The following TYW1 variants were observed in gnomAD, a reference collection of about 807,000 sequenced individuals.
TYW1 encodes tRNA-yW synthesizing protein 1 homolog, also known as S-adenosyl-L-methionine-dependent tRNA 4-demethylwyosine synthase TYW1.
A neutral mutation model predicts 96.2 loss-of-function variants in TYW1; 46 were observed. The ratio of observed to expected loss-of-function variants is 0.48; its 90% confidence interval spans 0.38 to 0.61. TYW1 has a LOEUF of 0.61. TYW1 is among the 20% of genes least tolerant of loss of function. The probability of loss-of-function intolerance (pLI) is 0.00; values close to 1 mark genes in which losing one functional copy is unlikely to be tolerated. For missense variants in TYW1, 684 were observed against 909.6 expected (o/e 0.75, Z 3.19); for synonymous variants, 274 against 323.0 (o/e 0.85, Z 1.63).
intron 12 of TYW1, among the ~76,000 whole-genome samples, chr7:67,101,836 A>G (rs1307123744): frequency 6.6e-6 from 1 of 152,188 alleles, no homozygotes; most frequent in African/African-American, 2.4e-5. Context: ...AGTTGATTAA[A>G]ATTATTAGCT....
At chr7:67,190,794 C>T (rs4717354) in intron 14 of TYW1, among the ~76,000 whole-genome samples, 44,045 of 152,052 alleles carry the variant, frequency 0.29, 7,072 homozygotes, top group African/African-American at 0.43. Flanking sequence ...AATGTCATAA[C>T]GTCATTATTT....
At chr7:67,064,438 C>G (rs1795797064) in intron 9 of TYW1, among the ~76,000 whole-genome samples, 1 of 152,138 alleles carries the variant, frequency 6.6e-6, no homozygotes, top group African/African-American at 2.4e-5. Flanking sequence ...AAAAGCTGTT[C>G]TGTATTAGTC....
At chr7:67,082,972 G>A (rs112761560) in intron 10 of TYW1, among the ~76,000 whole-genome samples, 9,769 of 150,776 alleles carry the variant, frequency 0.065, 434 homozygotes, top group South Asian at 0.11. Context: ...TGGGTCCCAG[G>A]TGGAGGTTCT....
intron 9 of TYW1, 72 bp downstream of exon 9, chr7:67,055,959 A>G: frequency 8.7e-7 from 1 of 1,144,306 alleles, no homozygotes; most frequent in Non-Finnish European, 1.3e-6. Flanking sequence ...TACACTGTCT[A>G]TAAATTTACT....
intron 12 of TYW1, among the ~76,000 whole-genome samples, chr7:67,100,673 C>G (rs996442017): frequency 2.0e-5 from 3 of 151,634 alleles, no homozygotes; most frequent in Admixed American, 2.0e-4. Context: ...GGTGAAACCC[C>G]GTCTCTACTA....
chr7:67,112,100 C>CAAAAAAAAAAAAAAAAAAAAAAAAAA (rs538839042), intron 12 of TYW1, among the ~76,000 whole-genome samples: 12 of 94,886 alleles, frequency 1.3e-4, no homozygotes, highest in East Asian at 4.9e-4. Flanking sequence ...CTCTGTCTGA[C>CAAAAAAAAAAAAAAAAAAAAAAAAAA]AAAAAAAAAA....
intron 5 of TYW1, among the ~76,000 whole-genome samples, chr7:67,016,306 G>C (rs993763466): frequency 1.7e-4 from 25 of 151,296 alleles, no homozygotes; most frequent in Admixed American, 3.3e-4. Context: ...CCAGCACTTT[G>C]GGAGGCAGAG....
intron 14 of TYW1, among the ~76,000 whole-genome samples, chr7:67,184,372 G>C (rs1295422120): frequency 6.6e-6 from 1 of 152,020 alleles, no homozygotes; most frequent in African/African-American, 2.4e-5. Context: ...ATTCAGGGGT[G>C]CATGTGTGTG....
At chr7:67,028,311 GC>G (rs1794528063) in intron 7 of TYW1, among the ~76,000 whole-genome samples, 1 of 151,394 alleles carries the variant, frequency 6.6e-6, no homozygotes, top group Non-Finnish European at 1.5e-5. Flanking sequence ...ACTTTGAGAG[GC>G]CAAGGCAGGT....
At chr7:67,025,415 A>T (rs1197612648) in intron 7 of TYW1, among the ~76,000 whole-genome samples, 1 of 151,976 alleles carries the variant, frequency 6.6e-6, no homozygotes, top group Non-Finnish European at 1.5e-5. Flanking sequence ...AAGAAAGCTT[A>T]CAAATTTGTG....
chr7:67,024,789 A>G (rs1794394022), intron 6 of TYW1, 111 bp from the exon 7 acceptor site: 7 of 1,496,698 alleles, frequency 4.7e-6, no homozygotes, highest in African/African-American at 2.8e-5. Flanking sequence ...TCAAAGAAAA[A>G]AAAAAAAAAA....
intron 15 of TYW1, among the ~76,000 whole-genome samples, chr7:67,221,319 T>C (rs1043742169): frequency 6.6e-6 from 1 of 152,244 alleles, no homozygotes; most frequent in Non-Finnish European, 1.5e-5. Context: ...CTGCTGTCTT[T>C]GGGTTACTCT....
chr7:67,058,228 C>T (rs1402438057), intron 9 of TYW1, among the ~76,000 whole-genome samples: 1 of 152,236 alleles, frequency 6.6e-6, no homozygotes, highest in South Asian at 2.1e-4. Flanking sequence ...GCCACTGCGC[C>T]TGGCCTACAG....
intron 15 of TYW1, among the ~76,000 whole-genome samples, chr7:67,219,682 A>C (rs1276920446): frequency 1.3e-5 from 2 of 149,070 alleles, no homozygotes; most frequent in South Asian, 2.1e-4. Context: ...ACCATTGTTT[A>C]TAGTACACTC....
intron 7 of TYW1, among the ~76,000 whole-genome samples, chr7:67,045,087 C>T (rs117750878): frequency 0.027 from 4,072 of 152,230 alleles, 239 homozygotes; most frequent in East Asian, 0.16. Context: ...TAGCATTTTA[C>T]CTTAAAGTCT....
intron 10 of TYW1, among the ~76,000 whole-genome samples, chr7:67,080,264 A>C (rs1796339287): frequency 6.6e-6 from 1 of 152,196 alleles, no homozygotes; most frequent in African/African-American, 2.4e-5. Context: ...TGTTAGGTAC[A>C]TAAATATTTA....
intron 10 of TYW1, among the ~76,000 whole-genome samples, chr7:67,073,311 G>C (rs531475833): frequency 4.6e-5 from 7 of 152,230 alleles, no homozygotes; most frequent in Admixed American, 3.3e-4. Context: ...GGTGGGTAGA[G>C]GCTGGGGACG....
In TYW1 at chr7:67,170,594, C is replaced by T. The variant is rs182997272; in HGVS notation, c.1699-12532C>T. Among the ~76,000 whole-genome samples, 556 of 152,244 alleles carry T rather than the reference C, an allele frequency of 3.7e-3. 5 individuals are homozygous for T. The highest frequency in any genetic ancestry group is 0.012 in the African/African-American group (512 of 41,538). On this transcript the variant is annotated intron_variant, in intron 13 of 15. Coordinates refer to ENST00000359626, the MANE Select transcript of TYW1 (RefSeq NM_018264.4). ...ATTTACAGTCTTGTGTAATTATCAC[C>T]TTTATCTAGTTCCTAAACATTTTTA...
chr7:67,171,678 A>G lies in TYW1; in HGVS notation c.1699-11448A>G, dbSNP rs1799518236. On this transcript the variant is annotated intron_variant, in intron 13 of 15. Coordinates refer to ENST00000359626, the MANE Select transcript of TYW1 (RefSeq NM_018264.4). ...TTGTTAGGTACTAGTATATTGTTAT[A>G]CTAGTTAAGAATTGTTACATATTTT... is the stretch of plus-strand genomic sequence containing the variant. 2.0e-5 allele frequency among the ~76,000 whole-genome samples: 3 copies of G among 152,244 alleles called. 1 individual carries two copies. In the South Asian group the frequency reaches 6.2e-4, roughly 32 times the overall value.
Sources: gnomAD v4.1 joint callset for allele counts (sites outside exome capture counted in the v4.1 genomes callset) on GRCh38, gnomAD v4.1.1 for gene constraint, MANE v1.5 for transcripts, NCBI Gene and HGNC (gene_info 2026-07-23, HGNC 2026-07-21) for gene names.